Variants in NAV1 observed in about 807,000 individuals in gnomAD.
NAV1 encodes pore membrane and/or filament interacting like protein 3.
In NAV1, 18 loss-of-function variants were observed where a neutral mutation model predicts 175.2. The observed-to-expected ratio is 0.10, with a 90% CI of 0.07 to 0.15. The LOEUF (loss-of-function observed/expected upper bound fraction) is 0.15, where lower values mean the gene tolerates loss of function less well. NAV1 is among the 10% of genes least tolerant of loss of function. NAV1 has a pLI of 1.00. For synonymous variants in NAV1, 897 were observed against 978.7 expected (o/e 0.92, Z 1.56); for missense variants, 1,731 against 2,436.6 (o/e 0.71, Z 6.10).
chr1:201,690,611 T>C (rs1256457), intron 1 of NAV1, among the ~76,000 whole-genome samples: 126,713 of 149,126 alleles, frequency 0.85, 53,894 homozygotes, highest in East Asian at 0.93. Context: ...GTGGCTCGTC[T>C]GTGGCAGAAT....
At chr1:201,771,389 T>C (rs566974506) in intron 3 of NAV1, among the ~76,000 whole-genome samples, 45 of 147,744 alleles carry the variant, frequency 3.0e-4, no homozygotes, top group African/African-American at 1.1e-3. Context: ...CAGGCACCTG[T>C]AATCCTAGCT....
chr1:201,715,641 G>C lies in NAV1; in HGVS notation c.860+2722G>C, dbSNP rs186987139. On this transcript the variant is annotated intron_variant, in intron 2 of 29. Transcript: ENST00000367296. ...CTCTGCATGCTCAGAACCCATGCCA[G>C]CTGTGTGCCAGGCACAGCGCTGGGC... Among the ~76,000 whole-genome samples the C allele has an allele frequency of 3.6e-3, 549 of 152,352 alleles. 3 individuals carry two copies. Among genetic ancestry groups the C allele is most frequent in the Non-Finnish European group, 5.7e-3 (387 of 68,034 alleles).
chr1:201,728,875 G>T (rs576126751), intron 3 of NAV1, among the ~76,000 whole-genome samples: 155 of 152,226 alleles, frequency 1.0e-3, no homozygotes, highest in Non-Finnish European at 1.7e-3. Flanking sequence ...AGTAAGCCAG[G>T]TATTCCAGAG....
chr1:201,605,708 A>T (rs757357449), intron 2 of NAV1, among the ~76,000 whole-genome samples: 12 of 152,210 alleles, frequency 7.9e-5, no homozygotes, highest in Admixed American at 2.0e-4. Flanking sequence ...AAGGTAAAGG[A>T]GAATACTTTC....
chr1:201,547,133 C>T lies in NAV1; in HGVS notation c.-144+7791C>T, dbSNP rs1005551462. On this transcript the variant is annotated intron_variant, in intron 1 of 33. Transcript: ENST00000685211. ...TCCCGAGTAGCTGGGATTACAGGCA[C>T]GCGCCACCATGCCCGGCTAATTTTT... Among the ~76,000 whole-genome samples the T allele has an allele frequency of 2.6e-5, 4 of 151,680 alleles. No individual in the cohort carries two copies. The East Asian group carries it at 6.0e-4, about 23-fold the overall frequency.
chr1:201,756,706 C>T (rs1674481588), intron 3 of NAV1, among the ~76,000 whole-genome samples: 1 of 152,170 alleles, frequency 6.6e-6, no homozygotes, highest in Non-Finnish European at 1.5e-5. Context: ...TTCTCCAGAC[C>T]AATAGGTTTT....
chr1:201,731,872 C>T (rs1672872447), intron 3 of NAV1, among the ~76,000 whole-genome samples: 1 of 152,172 alleles, frequency 6.6e-6, no homozygotes, highest in Admixed American at 6.5e-5. Flanking sequence ...TGTCACTGCC[C>T]CTTTCCAAGC....
Position 201,543,097 on chromosome 1 carries a change from C to T in NAV1, c.-144+3755C>T, listed in dbSNP as rs1055926410. ...TAGAAATAGTTTTACGTCTTTCTTT[C>T]CAATTTGAATGATTTTTATTTATTT... On this transcript the variant is annotated intron_variant, in intron 1 of 33. Transcript: ENST00000685211. Among the ~76,000 whole-genome samples, 6 of 152,254 alleles carry T rather than the reference C, an allele frequency of 3.9e-5. No individual in the cohort carries two copies. In the East Asian group the frequency reaches 1.2e-3, roughly 29 times the overall value.
intron 1 of NAV1, among the ~76,000 whole-genome samples, chr1:201,544,345 G>A (rs1455873764): frequency 2.6e-5 from 4 of 152,248 alleles, no homozygotes; most frequent in South Asian, 4.1e-4. Context: ...CCATCTGGTC[G>A]GTAATACTGA....
intron 1 of NAV1, among the ~76,000 whole-genome samples, chr1:201,578,222 T>C (rs990095284): frequency 4.6e-5 from 7 of 152,220 alleles, no homozygotes; most frequent in Admixed American, 2.0e-4. Context: ...GGTTAATTTC[T>C]ATTGTTCTAT....
chr1:201,783,711 T>A, exon 7 of NAV1: 1 of 1,614,100 alleles, frequency 6.2e-7, no homozygotes, highest in Non-Finnish European at 8.5e-7. Context: ...ATGGAGTCCC[T>A]CCAGATGCCA....
chr1:201,596,874 G>T (rs2102223862), intron 2 of NAV1, among the ~76,000 whole-genome samples: 1 of 152,238 alleles, frequency 6.6e-6, no homozygotes, highest in Non-Finnish European at 1.5e-5. Context: ...TGCCCAGGCT[G>T]GAGTGCAATG....
chr1:201,635,972 G>C (rs1668607587), intron 2 of NAV1, among the ~76,000 whole-genome samples: 1 of 152,230 alleles, frequency 6.6e-6, no homozygotes, highest in South Asian at 2.1e-4. Context: ...GCAGTTACAA[G>C]TTTCAGCTAT....
At chr1:201,704,396 A>AGCAACAAGCCCCCAGAGAGCCT (rs1369839821) in intron 1 of NAV1, among the ~76,000 whole-genome samples, 1 of 152,204 alleles carries the variant, frequency 6.6e-6, no homozygotes, top group East Asian at 1.9e-4. Flanking sequence ...GGCCATTCTC[A>AGCAACAAGCCCCCAGAGAGCCT]GCAACAAGCC....
chr1:201,649,479 C>T (rs45621031), intron 1 of NAV1, 54 bp downstream of exon 5: 70 of 1,446,878 alleles, frequency 4.8e-5, no homozygotes, highest in Non-Finnish European at 6.0e-5. Context: ...TAACCAGCTG[C>T]TGGGGAAGGT....
chr1:201,746,663 AGT>A (rs1487235728), intron 3 of NAV1, among the ~76,000 whole-genome samples: 1 of 152,174 alleles, frequency 6.6e-6, no homozygotes, highest in Non-Finnish European at 1.5e-5. Context: ...GAGCGCAGTG[AGT>A]GTGGGAAACT....
At chr1:201,622,951 C>T (rs950228250) in exon 1 of NAV1, 17 of 986,402 alleles carry the variant, frequency 1.7e-5, no homozygotes, top group East Asian at 2.3e-4. Context: ...CCCGGTGCCT[C>T]GTGCCTCTTC....
intron 1 of NAV1, among the ~76,000 whole-genome samples, chr1:201,544,714 G>A (rs1237633340): frequency 6.6e-6 from 1 of 152,194 alleles, no homozygotes; most frequent in African/African-American, 2.4e-5. Context: ...ATAAAGTGGA[G>A]GATATTCAAA....
At chr1:201,739,267 G>T in intron 3 of NAV1, 1 of 152,356 alleles carries the variant, frequency 6.6e-6, no homozygotes. Flanking sequence ...CCCACCCCCT[G>T]AGGTTGTTAG....
Sources: allele counts gnomAD v4.1 joint callset (sites outside exome capture counted in the v4.1 genomes callset), GRCh38; gene constraint gnomAD v4.1.1; transcripts MANE v1.5; gene names NCBI Gene and HGNC (gene_info 2026-07-23, HGNC 2026-07-21).